OMA1: variants seen among roughly 807,000 people sequenced by gnomAD.
OMA1 encodes the protein metalloendopeptidase OMA1, mitochondrial.
In OMA1, 38 loss-of-function variants were observed where a neutral mutation model predicts 30.9. That is an observed-to-expected ratio of 1.23 (90% CI 0.95 to 1.61). The LOEUF (loss-of-function observed/expected upper bound fraction) is 1.61, where lower values mean the gene tolerates loss of function less well. Among genes scored for constraint, OMA1 ranks in the 40% most tolerant of loss-of-function variants. The pLI, the probability that OMA1 is intolerant of heterozygous loss-of-function variation, is 0.00. For synonymous variants in OMA1, 173 were observed against 121.9 expected (o/e 1.42, Z -2.76); for missense variants, 461 against 349.2 (o/e 1.32, Z -2.55).
chr1:58,541,787 T>C (rs1360823354), intron 1 of OMA1, among the ~76,000 whole-genome samples: 1 of 152,190 alleles, frequency 6.6e-6, no homozygotes. Flanking sequence ...CTGAAGGATC[T>C]GTTCATGATA....
Position 58,528,763 on chromosome 1 carries a change from A to G in OMA1, c.1141-1428T>C, listed in dbSNP as rs569480322. Among the ~76,000 whole-genome samples the G allele has an allele frequency of 8.5e-5, 13 of 152,330 alleles. No homozygotes were observed. The East Asian group carries it at 1.3e-3, about 16-fold the overall frequency. On this transcript the variant is annotated intron_variant, in intron 6 of 8. Coordinates refer to ENST00000371226, the MANE Select transcript of OMA1 (RefSeq NM_145243.5). ...ATTCCCACACCCTAATGACTTCACT[A>G]TCAACATTCCTCTCTGCTCTCCAAT... is the stretch of plus-strand genomic sequence containing the variant.
chr1:58,508,468 G>A (rs139281414), intron 7 of OMA1, among the ~76,000 whole-genome samples: 95 of 152,190 alleles, frequency 6.2e-4, no homozygotes, highest in South Asian at 2.7e-3. Flanking sequence ...GCACAAGTAC[G>A]AAATGAACAA....
intron 7 of OMA1, among the ~76,000 whole-genome samples, chr1:58,510,550 C>T (rs151143020): frequency 4.6e-5 from 7 of 152,194 alleles, no homozygotes; most frequent in African/African-American, 1.4e-4. Context: ...ATTTTTTCCT[C>T]TAAGTCTAGG....
intron 7 of OMA1, among the ~76,000 whole-genome samples, chr1:58,521,063 C>A (rs1646254458): frequency 6.6e-6 from 1 of 152,222 alleles, no homozygotes; most frequent in Admixed American, 6.5e-5. Flanking sequence ...AAGACCCAAC[C>A]CTTTTCAAAG....
At chr1:58,483,441 G>A (rs1283554037) in intron 8 of OMA1, among the ~76,000 whole-genome samples, 1 of 152,170 alleles carries the variant, frequency 6.6e-6, no homozygotes, top group African/African-American at 2.4e-5. Flanking sequence ...GGGTCTAGGA[G>A]CACTTCTAGC....
At chr1:58,506,493 G>A (rs1021014597) in intron 7 of OMA1, among the ~76,000 whole-genome samples, 3 of 152,026 alleles carry the variant, frequency 2.0e-5, no homozygotes, top group African/African-American at 7.2e-5. Flanking sequence ...CATGCCCATT[G>A]CTTAGAAAAA....
At chr1:58,505,015 C>T (rs531635284) in intron 8 of OMA1, among the ~76,000 whole-genome samples, 5 of 151,990 alleles carry the variant, frequency 3.3e-5, no homozygotes, top group South Asian at 2.1e-4. Context: ...TGCAGTGGCA[C>T]GATCTCGGCT....
chr1:58,530,656 C>T lies in OMA1; in HGVS notation c.1085G>A (p.Cys362Tyr), dbSNP rs776694883. Residue 362 changes from cysteine (C) to tyrosine (Y), a missense_variant, in exon 6 of 9, where the codon TGT (cysteine) becomes TAT (tyrosine). Transcript: ENST00000371226. ...MIFLTMIWAI[C>Y]PRDSLALLCQ... Reference sequence around the variant, plus strand: ...CAAAAGTGCCAAGCTATCTCGAGGACAAATGGCCCAAATCATTGTGAGGAA... The same window carrying T: ...CAAAAGTGCCAAGCTATCTCGAGGATAAATGGCCCAAATCATTGTGAGGAA... The T allele has an allele frequency of 1.1e-6, 1 of 872,792 alleles. No individual in the cohort carries two copies. The highest frequency in any genetic ancestry group is 1.7e-5 in the Admixed American group (1 of 59,186). The allele number at this position is 872,792 out of a possible 1,614,324, so 54.1% of individuals were successfully genotyped here. A position where few individuals can be genotyped will look rare whatever the true frequency, so the allele number is the denominator to read the frequency against.
At chr1:58,499,010 A>G (rs1160890154) in intron 8 of OMA1, among the ~76,000 whole-genome samples, 1 of 152,156 alleles carries the variant, frequency 6.6e-6, no homozygotes, top group Non-Finnish European at 1.5e-5. Context: ...AGGTTTTCAA[A>G]CAAACCTATA....
At chr1:58,508,351 T>C (rs947559700) in intron 7 of OMA1, among the ~76,000 whole-genome samples, 4 of 152,196 alleles carry the variant, frequency 2.6e-5, no homozygotes, top group Non-Finnish European at 2.9e-5. Flanking sequence ...GATGGAAGAA[T>C]AGGACGCCCT....
intron 5 of OMA1, among the ~76,000 whole-genome samples, chr1:58,531,834 G>A (rs552667311): frequency 1.3e-5 from 2 of 151,460 alleles, no homozygotes; most frequent in African/African-American, 4.9e-5. Context: ...TCAGCCTCCC[G>A]AGTACCTGTG....
chr1:58,518,141 G>C (rs1382774866), intron 7 of OMA1, among the ~76,000 whole-genome samples: 1 of 146,524 alleles, frequency 6.8e-6, no homozygotes, highest in Admixed American at 6.9e-5. Context: ...AGCTGAGATC[G>C]CGCCATTGCA....
chr1:58,507,412 TAACA>T lies in OMA1; in HGVS notation c.1216-1207_1216-1204del, dbSNP rs1646006213. 3.9e-5 allele frequency among the ~76,000 whole-genome samples: 6 copies of T among 152,076 alleles called. No homozygotes were observed. In the South Asian group the frequency reaches 1.2e-3, roughly 32 times the overall value. ...TCAACAACCATGCTACATCATTTCT[TAACA>T]AATACCATTAAAGCATTTCCAAATG... On this transcript the variant is annotated intron_variant, in intron 7 of 8. Transcript: ENST00000371226.
chr1:58,514,197 AATATAAATGT>A (rs1438273992), intron 7 of OMA1, among the ~76,000 whole-genome samples: 1 of 152,198 alleles, frequency 6.6e-6, no homozygotes, highest in East Asian at 1.9e-4. Flanking sequence ...CAATCCAGAG[AATATAAATGT>A]ATATGAATAT....
chr1:58,503,282 C>T (rs1256234028), intron 8 of OMA1, among the ~76,000 whole-genome samples: 2 of 152,096 alleles, frequency 1.3e-5, no homozygotes, highest in Non-Finnish European at 2.9e-5. Flanking sequence ...GTCCCAGGGG[C>T]CTTGGATAGC....
intron 7 of OMA1, among the ~76,000 whole-genome samples, chr1:58,527,010 A>G (rs1646362761): frequency 6.6e-6 from 1 of 152,154 alleles, no homozygotes; most frequent in African/African-American, 2.4e-5. Flanking sequence ...AGAACCTGAT[A>G]ATTACTATAA....
chr1:58,516,591 C>T (rs188821513), intron 7 of OMA1, among the ~76,000 whole-genome samples: 3 of 152,102 alleles, frequency 2.0e-5, no homozygotes, highest in Non-Finnish European at 4.4e-5. Context: ...TAAATTTGCA[C>T]AATAAAATCA....
Position 58,481,092 on chromosome 1 carries a change from T to C in OMA1, c.1448A>G (p.His483Arg), listed in dbSNP as rs753311863. The change falls in exon 9 of 9, where the codon CAT becomes CGT. Residue 483 changes from histidine (H) to arginine (R), a missense_variant. Coordinates refer to ENST00000371226, the MANE Select transcript of OMA1 (RefSeq NM_145243.5). ...TTCTTTCTCTGATTCTTCAAGAAAA[T>C]GCTTCGTGCTGAGTTTGAATAGTAA... ...PRLLFKLSTKHFLEESEKEDL... is the reference protein window; with the variant it reads ...PRLLFKLSTKRFLEESEKEDL... The C allele has an allele frequency of 5.7e-6, 5 of 872,114 alleles. No individual in the cohort carries two copies. The highest frequency in any genetic ancestry group is 3.4e-5 in the Admixed American group (2 of 59,140). 54.0% of individuals were successfully genotyped at this position (872,114 alleles called of 1,614,324 possible).
chr1:58,536,173 T>C (rs1646514029), intron 3 of OMA1, among the ~76,000 whole-genome samples: 1 of 152,104 alleles, frequency 6.6e-6, no homozygotes, highest in South Asian at 2.1e-4. Flanking sequence ...CAACTACAAA[T>C]GAGCTGGTTC....
Sources: gnomAD v4.1 joint callset for allele counts (sites outside exome capture counted in the v4.1 genomes callset) on GRCh38, gnomAD v4.1.1 for gene constraint, MANE v1.5 for transcripts, NCBI Gene and HGNC (gene_info 2026-07-23, HGNC 2026-07-21) for gene names.